ANAPC10: variants seen among roughly 807,000 people sequenced by gnomAD.
ANAPC10 encodes the protein anaphase-promoting complex subunit 10.
In ANAPC10, 12 loss-of-function variants were observed where a neutral mutation model predicts 22.0. That is an observed-to-expected ratio of 0.55 (90% CI 0.35 to 0.88). ANAPC10 has a LOEUF of 0.88. ANAPC10 is among the 40% of genes least tolerant of loss of function. The probability of loss-of-function intolerance (pLI) is 0.01; values close to 1 mark genes in which losing one functional copy is unlikely to be tolerated. For synonymous variants in ANAPC10, 65 were observed against 69.5 expected, an observed-to-expected ratio of 0.94 and a Z score of 0.32; for missense variants, 188 against 220.9, an observed-to-expected ratio of 0.85 and a Z score of 0.94.
intron 4 of ANAPC10, among the ~76,000 whole-genome samples, chr4:145,063,590 G>C (rs1282405382): frequency 6.6e-6 from 1 of 152,096 alleles, no homozygotes; most frequent in Non-Finnish European, 1.5e-5. Flanking sequence ...AGAACCACCA[G>C]ATTTTAATGA....
chr4:145,006,028 T>C (rs1053490045), intron 4 of ANAPC10, among the ~76,000 whole-genome samples: 34 of 151,858 alleles, frequency 2.2e-4, no homozygotes, highest in African/African-American at 8.2e-4. Flanking sequence ...TCTGCCTCAA[T>C]GATCTAATAC....
At chr4:145,053,479 A>G (rs1741434041) in intron 4 of ANAPC10, among the ~76,000 whole-genome samples, 1 of 152,216 alleles carries the variant, frequency 6.6e-6, no homozygotes, top group Non-Finnish European at 1.5e-5. Flanking sequence ...CAATTAGCTA[A>G]TTATCATTAT....
At chr4:145,074,994 T>A (rs1005657568) in intron 3 of ANAPC10, among the ~76,000 whole-genome samples, 3 of 152,152 alleles carry the variant, frequency 2.0e-5, no homozygotes, top group Non-Finnish European at 4.4e-5. Context: ...TCCAAATTTT[T>A]TTTTTTTATT....
At chr4:145,043,936 T>C (rs1386167037) in intron 4 of ANAPC10, among the ~76,000 whole-genome samples, 2 of 152,038 alleles carry the variant, frequency 1.3e-5, no homozygotes, top group Non-Finnish European at 2.9e-5. Context: ...AAAGCTGATA[T>C]ATTGCTTTGG....
intron 4 of ANAPC10, among the ~76,000 whole-genome samples, chr4:145,034,832 T>C (rs185483745): frequency 2.9e-4 from 44 of 151,788 alleles, no homozygotes; most frequent in African/African-American, 9.9e-4. Flanking sequence ...TGACTCAACG[T>C]CTCCCAGGAA....
intron 4 of ANAPC10, among the ~76,000 whole-genome samples, chr4:145,036,299 A>G (rs775730416): frequency 1.3e-5 from 2 of 152,250 alleles, no homozygotes; most frequent in Non-Finnish European, 2.9e-5. Context: ...TGATTAGATC[A>G]CAGCTTTAAA....
intron 3 of ANAPC10, among the ~76,000 whole-genome samples, chr4:145,065,708 A>G (rs1743574933): frequency 6.6e-6 from 1 of 152,088 alleles, no homozygotes. Context: ...AGAACTATTT[A>G]AAATAATCAT....
intron 4 of ANAPC10, among the ~76,000 whole-genome samples, chr4:145,051,580 T>C (rs928215353): frequency 2.6e-5 from 4 of 152,122 alleles, no homozygotes; most frequent in African/African-American, 7.2e-5. Context: ...TAAAATGAGG[T>C]AGGCCTGTAT....
chr4:145,081,602 A>G, intron 3 of ANAPC10, 58 bp downstream of exon 3: 1 of 1,077,422 alleles, frequency 9.3e-7, no homozygotes, highest in East Asian at 2.5e-5. Flanking sequence ...TGTTAATAAA[A>G]TAGATTTATT....
intron 4 of ANAPC10, among the ~76,000 whole-genome samples, chr4:145,038,544 GC>G (rs1490872222): frequency 6.6e-6 from 1 of 151,986 alleles, no homozygotes; most frequent in African/African-American, 2.4e-5. Flanking sequence ...AGCTAAGGCA[GC>G]CAGGCGCAAT....
At chr4:145,085,198 A>G (rs1746681149) in intron 2 of ANAPC10, among the ~76,000 whole-genome samples, 1 of 152,220 alleles carries the variant, frequency 6.6e-6, no homozygotes, top group Non-Finnish European at 1.5e-5. Flanking sequence ...TCGAGGCTGT[A>G]GTAAGCCATG....
intron 2 of ANAPC10, among the ~76,000 whole-genome samples, chr4:145,083,521 C>T (rs2126606620): frequency 6.6e-6 from 1 of 152,130 alleles, no homozygotes. Context: ...AAAACATTTC[C>T]TCACCAAAAA....
At chr4:145,024,568 A>G (rs1027174177) in intron 4 of ANAPC10, among the ~76,000 whole-genome samples, 3 of 152,230 alleles carry the variant, frequency 2.0e-5, no homozygotes, top group Admixed American at 6.5e-5. Context: ...ATTGTCAATG[A>G]GCAGTAATAT....
At chr4:145,031,095 A>C (rs141944441) in intron 4 of ANAPC10, among the ~76,000 whole-genome samples, 1 of 152,326 alleles carries the variant, frequency 6.6e-6, no homozygotes, top group African/African-American at 2.4e-5. Context: ...GCCCACCAGA[A>C]GCAATTTGCC....
chr4:145,082,199 G>C (rs1320913264), intron 2 of ANAPC10, among the ~76,000 whole-genome samples: 1 of 152,170 alleles, frequency 6.6e-6, no homozygotes, highest in Non-Finnish European at 1.5e-5. Flanking sequence ...GCCCAAGCTG[G>C]AGTGCAATGG....
chr4:145,032,366 G>A (rs538042149), intron 4 of ANAPC10, among the ~76,000 whole-genome samples: 4 of 152,316 alleles, frequency 2.6e-5, no homozygotes, highest in Admixed American at 6.5e-5. Flanking sequence ...CCAATGGATC[G>A]GCTGGATGGT....
At position 145,015,511 on chromosome 4, in the gene ANAPC10, G is replaced by A. The variant is rs143682576; in HGVS notation, c.328-19908C>T. Among the ~76,000 whole-genome samples, 678 of 152,112 alleles carry A rather than the reference G, an allele frequency of 4.5e-3. 5 individuals carry two copies. The highest frequency in any genetic ancestry group is 0.015 in the African/African-American group (622 of 41,482). On this transcript the variant is annotated intron_variant, in intron 4 of 4. Transcript: ENST00000507656. The stretch of plus-strand genomic sequence containing the variant: ...AGAGAAATCTAAAAGCTGAAAAAAC[G>A]TATTTGGGGGAATAATCAAGGAAAA...
At chr4:145,015,563 C>T (rs1285223976) in intron 4 of ANAPC10, among the ~76,000 whole-genome samples, 2 of 152,114 alleles carry the variant, frequency 1.3e-5, no homozygotes, top group Non-Finnish European at 2.9e-5. Context: ...GAGACCTACA[C>T]ATCCAAATAC....
intron 1 of ANAPC10, among the ~76,000 whole-genome samples, chr4:145,096,563 T>TA (rs1285493162): frequency 6.6e-6 from 1 of 152,192 alleles, no homozygotes; most frequent in Admixed American, 6.5e-5. Flanking sequence ...CCTCTCCTGT[T>TA]AAAGAGGTTC....
Sources: allele counts gnomAD v4.1 joint callset (sites outside exome capture counted in the v4.1 genomes callset), GRCh38; gene constraint gnomAD v4.1.1; transcripts MANE v1.5; gene names NCBI Gene and HGNC (gene_info 2026-07-23, HGNC 2026-07-21).